Variants in DYNC1I1 observed in about 807,000 individuals in gnomAD.
The protein encoded by DYNC1I1 is dynein cytoplasmic 1 intermediate chain 1, also known as cytoplasmic dynein 1 intermediate chain 1.
DYNC1I1 carries 43 observed loss-of-function variants against 86.6 expected under a neutral mutation model. The ratio of observed to expected loss-of-function variants is 0.50; its 90% CI spans 0.39 to 0.64. The LOEUF (loss-of-function observed/expected upper bound fraction) is 0.64, where lower values mean the gene tolerates loss of function less well. Ranked by LOEUF, DYNC1I1 falls within the 30% of genes least tolerant of loss-of-function variation. The probability of loss-of-function intolerance (pLI) is 0.00; values close to 1 mark genes in which losing one functional copy is unlikely to be tolerated. For missense variants in DYNC1I1, 604 were observed against 788.8 expected (o/e 0.77, Z 2.81); for synonymous variants, 262 against 283.7 (o/e 0.92, Z 0.77).
intron 6 of DYNC1I1, among the ~76,000 whole-genome samples, chr7:95,904,055 T>A (rs1488740154): frequency 6.6e-6 from 1 of 151,762 alleles, no homozygotes; most frequent in Non-Finnish European, 1.5e-5. Flanking sequence ...TCTAGTCCAG[T>A]TTTGCCTTAT....
intron 16 of DYNC1I1, among the ~76,000 whole-genome samples, chr7:96,106,095 T>A (rs1258174719): frequency 6.6e-6 from 1 of 152,236 alleles, no homozygotes; most frequent in Non-Finnish European, 1.5e-5. Flanking sequence ...ACCAGCTTTT[T>A]AAATTGTCAA....
rs142103982 is a variant in DYNC1I1 at position 96,035,684 on chromosome 7, G to A, written c.1296G>A (p.Thr432=). 41 of 1,611,614 alleles carry A rather than the reference G, an allele frequency of 2.5e-5. No individual in the cohort carries two copies. Among genetic ancestry groups the A allele is most frequent in the Admixed American group, 5.0e-5 (3 of 59,638 alleles). The change falls in exon 13 of 17, where the codon ACG becomes ACA. Residue 432 remains threonine (T), a synonymous_variant. Coordinates refer to ENST00000447467, the MANE Select transcript of DYNC1I1 (RefSeq NM_001135556.2). ...PVAVTGMAFP[T]GDVNNFVVGS... is the part of the protein sequence containing the mutation. ...CTGTTACCGGAATGGCTTTCCCAAC[G>A]GGAGACGTCAATAACTTCGTGGTTG...
chr7:95,992,942 A>G (rs1277681881), intron 9 of DYNC1I1, among the ~76,000 whole-genome samples: 9 of 151,538 alleles, frequency 5.9e-5, no homozygotes, highest in African/African-American at 1.7e-4. Flanking sequence ...TATTTGTTAG[A>G]AAAAAAATGG....
intron 14 of DYNC1I1, among the ~76,000 whole-genome samples, chr7:96,070,837 T>A (rs533233838): frequency 6.6e-6 from 1 of 152,336 alleles, no homozygotes; most frequent in Non-Finnish European, 1.5e-5. Flanking sequence ...ACCATTATAT[T>A]CTCTAGATTT....
intron 4 of DYNC1I1, among the ~76,000 whole-genome samples, chr7:95,820,966 A>G (rs2690288): frequency 0.52 from 79,700 of 152,110 alleles, 21,684 homozygotes; most frequent in African/African-American, 0.68. Flanking sequence ...ATGTAGTGAC[A>G]TCACGCTGAG....
intron 5 of DYNC1I1, among the ~76,000 whole-genome samples, chr7:95,859,890 G>A (rs1789829925): frequency 6.6e-6 from 1 of 152,222 alleles, no homozygotes; most frequent in South Asian, 2.1e-4. Flanking sequence ...GAAAAGTCCT[G>A]TGCTTGCTTC....
intron 6 of DYNC1I1, among the ~76,000 whole-genome samples, chr7:95,894,778 C>A (rs2116283483): frequency 6.6e-6 from 1 of 152,272 alleles, no homozygotes; most frequent in East Asian, 1.9e-4. Context: ...CTGCATCCTG[C>A]TGGTTGTGGA....
chr7:95,985,569 A>C (rs1359500440), intron 8 of DYNC1I1, among the ~76,000 whole-genome samples: 1 of 152,190 alleles, frequency 6.6e-6, no homozygotes, highest in African/African-American at 2.4e-5. Flanking sequence ...AGGTATTAGA[A>C]AAGGCCATGA....
intron 5 of DYNC1I1, among the ~76,000 whole-genome samples, chr7:95,853,760 A>G (rs1400405179): frequency 6.6e-6 from 1 of 152,084 alleles, no homozygotes; most frequent in East Asian, 1.9e-4. Flanking sequence ...CCCTACGATT[A>G]TTTTATTGCA....
chr7:96,009,209 G>C (rs1366766650), intron 10 of DYNC1I1, among the ~76,000 whole-genome samples: 3 of 151,980 alleles, frequency 2.0e-5, no homozygotes, highest in Admixed American at 6.6e-5. Context: ...CTTTTTTCCC[G>C]GGAGTTCTCA....
At chr7:95,988,525 C>T (rs1035242009) in intron 9 of DYNC1I1, among the ~76,000 whole-genome samples, 10 of 152,142 alleles carry the variant, frequency 6.6e-5, no homozygotes, top group Non-Finnish European at 8.8e-5. Flanking sequence ...GACAATATAC[C>T]GGGCACTGAG....
chr7:96,082,055 G>A (rs1326836767), intron 16 of DYNC1I1, among the ~76,000 whole-genome samples: 1 of 152,102 alleles, frequency 6.6e-6, no homozygotes, highest in African/African-American at 2.4e-5. Context: ...GATGCAAATG[G>A]TCTGGTGACT....
intron 3 of DYNC1I1, among the ~76,000 whole-genome samples, chr7:95,810,720 G>A (rs1048147907): frequency 1.3e-5 from 2 of 152,060 alleles, no homozygotes; most frequent in African/African-American, 4.8e-5. Context: ...GTAGTTTGGG[G>A]CTTACTGACT....
intron 3 of DYNC1I1, among the ~76,000 whole-genome samples, 188 bp downstream of exon 3, chr7:95,810,694 A>AT (rs1554390287): frequency 6.6e-6 from 1 of 151,888 alleles, no homozygotes; most frequent in Admixed American, 6.6e-5. Flanking sequence ...ATGGGAGGAA[A>AT]GTTGTAGAAT....
intron 6 of DYNC1I1, among the ~76,000 whole-genome samples, chr7:95,965,714 G>C (rs1348270684): frequency 6.6e-6 from 1 of 152,042 alleles, no homozygotes. Context: ...TGCTGAAAGG[G>C]ATTATCAAGA....
At chr7:95,953,640 G>A (rs1213379114) in intron 6 of DYNC1I1, among the ~76,000 whole-genome samples, 1 of 152,158 alleles carries the variant, frequency 6.6e-6, no homozygotes, top group Admixed American at 6.5e-5. Context: ...GTCAATCACT[G>A]AGTTTAACTT....
intron 6 of DYNC1I1, among the ~76,000 whole-genome samples, chr7:95,898,393 A>G (rs962265744): frequency 6.6e-6 from 1 of 152,222 alleles, no homozygotes; most frequent in African/African-American, 2.4e-5. Flanking sequence ...TTTAGATAAC[A>G]TGACTAAAAA....
intron 6 of DYNC1I1, among the ~76,000 whole-genome samples, chr7:95,936,276 T>C (rs1366098375): frequency 2.0e-5 from 3 of 152,004 alleles, no homozygotes; most frequent in Non-Finnish European, 4.4e-5. Context: ...AGGAAAATAA[T>C]TGGGAAAACT....
At chr7:95,810,285 G>A in intron 2 of DYNC1I1, 107 bp from the exon 3 acceptor site, 1 of 768,708 alleles carries the variant, frequency 1.3e-6, no homozygotes, top group Non-Finnish European at 2.0e-6. Flanking sequence ...TCTATTTAGG[G>A]CTTTCACCTT....
Sources: gnomAD v4.1 joint callset for allele counts (sites outside exome capture counted in the v4.1 genomes callset) on GRCh38, gnomAD v4.1.1 for gene constraint, MANE v1.5 for transcripts, NCBI Gene and HGNC (gene_info 2026-07-23, HGNC 2026-07-21) for gene names.